The following LHFPL6 variants were observed in gnomAD, a reference collection of about 807,000 sequenced individuals.
The protein encoded by LHFPL6 is LHFPL tetraspan subfamily member 6 protein.
LHFPL6 carries 9 observed loss-of-function variants against 20.6 expected under a neutral mutation model. The observed-to-expected ratio is 0.44, with a 90% CI of 0.26 to 0.76. LHFPL6 has a LOEUF of 0.76. Among genes scored for constraint, LHFPL6 ranks in the 30% least tolerant of loss-of-function variants. LHFPL6 has a pLI of 0.20. For synonymous variants in LHFPL6, 105 were observed against 98.7 expected (o/e 1.06, Z -0.38); for missense variants, 218 against 253.5 (o/e 0.86, Z 0.95).
intron 2 of LHFPL6, among the ~76,000 whole-genome samples, chr13:39,464,700 C>CT (rs57418375): frequency 0.4 from 55,455 of 137,668 alleles, 11,180 homozygotes; most frequent in Middle Eastern, 0.51. Context: ...AAAGCACAGT[C>CT]TTTTTTTTTT....
chr13:39,524,594 G>A (rs1870228804), intron 2 of LHFPL6, among the ~76,000 whole-genome samples: 2 of 152,262 alleles, frequency 1.3e-5, no homozygotes, highest in East Asian at 3.9e-4. Context: ...TGTGCAAAGG[G>A]AAGAGGTATC....
chr13:39,350,885 T>C (rs532066010), intron 3 of LHFPL6, among the ~76,000 whole-genome samples: 11 of 152,328 alleles, frequency 7.2e-5, no homozygotes, highest in African/African-American at 2.4e-4. Flanking sequence ...GCTGATTTCT[T>C]ACGGTGGCTC....
intron 2 of LHFPL6, among the ~76,000 whole-genome samples, chr13:39,542,796 T>C (rs183999482): frequency 1.3e-5 from 2 of 152,374 alleles, no homozygotes; most frequent in Admixed American, 1.3e-4. Flanking sequence ...ATGTGCTAAG[T>C]CGCATGGGTC....
At chr13:39,533,895 G>A (rs1333874159) in intron 2 of LHFPL6, among the ~76,000 whole-genome samples, 3 of 152,262 alleles carry the variant, frequency 2.0e-5, no homozygotes, top group Admixed American at 6.5e-5. Flanking sequence ...GGTGGGGGGT[G>A]ACAGTCATAG....
rs1192075960 is a variant in LHFPL6 at position 39,352,990 on chromosome 13, AT to A, written c.485-8937del. Reference sequence around the variant, plus strand: ...ACACACACATATATATATATATATAATTTTTTTTTTTTTTTTGAGACAGAGT... The same window carrying A: ...ACACACACATATATATATATATATAATTTTTTTTTTTTTTTGAGACAGAGT... On this transcript the variant is annotated intron_variant, in intron 3 of 3. Transcript: ENST00000379589. 3.0e-3 allele frequency among the ~76,000 whole-genome samples: 249 copies of A among 84,258 alleles called. 16 individuals carry two copies. Among genetic ancestry groups the A allele is most frequent in the African/African-American group, 9.9e-3 (199 of 20,130 alleles). 55.3% of individuals were successfully genotyped at this position (84,258 alleles called of 152,430 possible). A position where few individuals can be genotyped will look rare whatever the true frequency, so the allele number is the denominator to read the frequency against.
intron 2 of LHFPL6, among the ~76,000 whole-genome samples, chr13:39,434,084 G>A (rs1354267503): frequency 6.6e-6 from 1 of 152,130 alleles, no homozygotes; most frequent in Non-Finnish European, 1.5e-5. Context: ...TGGATTCTTT[G>A]ATTTGCATGC....
chr13:39,538,694 T>C (rs1031179493), intron 2 of LHFPL6, among the ~76,000 whole-genome samples: 32 of 152,092 alleles, frequency 2.1e-4, no homozygotes, highest in African/African-American at 4.8e-4. Context: ...TTGGAGGCAA[T>C]TGAAATTTTT....
chr13:39,498,102 T>C (rs1050892012), intron 2 of LHFPL6, among the ~76,000 whole-genome samples: 1 of 152,220 alleles, frequency 6.6e-6, no homozygotes, highest in African/African-American at 2.4e-5. Context: ...TATTACCATA[T>C]GGCACATTTA....
At chr13:39,389,971 C>T (rs188610163) in intron 2 of LHFPL6, among the ~76,000 whole-genome samples, 30 of 152,198 alleles carry the variant, frequency 2.0e-4, no homozygotes, top group African/African-American at 5.8e-4. Flanking sequence ...TCTCTCCCCA[C>T]GAGTGCCCTT....
At chr13:39,571,476 A>C (rs1871913486) in intron 2 of LHFPL6, among the ~76,000 whole-genome samples, 1 of 152,202 alleles carries the variant, frequency 6.6e-6, no homozygotes, top group South Asian at 2.1e-4. Flanking sequence ...TGACAGCCTG[A>C]CATCAGGGAA....
intron 2 of LHFPL6, among the ~76,000 whole-genome samples, chr13:39,403,367 T>C (rs1285000357): frequency 6.6e-6 from 1 of 152,246 alleles, no homozygotes; most frequent in African/African-American, 2.4e-5. Context: ...AGAAGAATTT[T>C]ATCATTGCCT....
intron 2 of LHFPL6, among the ~76,000 whole-genome samples, chr13:39,559,658 C>G (rs1399962571): frequency 1.3e-5 from 2 of 152,106 alleles, no homozygotes; most frequent in Admixed American, 6.6e-5. Flanking sequence ...CTGTCTGCCT[C>G]AAGAAGCTCA....
intron 3 of LHFPL6, among the ~76,000 whole-genome samples, chr13:39,345,826 T>C (rs918913741): frequency 6.6e-6 from 1 of 152,204 alleles, no homozygotes; most frequent in Admixed American, 6.5e-5. Flanking sequence ...GCTTGCTATG[T>C]AAAGGCTGCT....
At chr13:39,457,318 A>G (rs1668674903) in intron 2 of LHFPL6, among the ~76,000 whole-genome samples, 3 of 152,234 alleles carry the variant, frequency 2.0e-5, no homozygotes, top group Admixed American at 6.5e-5. Flanking sequence ...TGAGCAAAAG[A>G]TTTGAACAGA....
At chr13:39,400,990 T>C (rs1272321011) in intron 2 of LHFPL6, among the ~76,000 whole-genome samples, 1 of 152,114 alleles carries the variant, frequency 6.6e-6, no homozygotes, top group Admixed American at 6.6e-5. Context: ...AAATTATAAT[T>C]GAAACCATAG....
intron 3 of LHFPL6, among the ~76,000 whole-genome samples, chr13:39,345,512 C>CAAAAAAAAAAAAAAAAAAAAAAAAA (rs71077225): frequency 2.3e-4 from 10 of 43,454 alleles, no homozygotes; most frequent in East Asian, 9.8e-4. Flanking sequence ...GACTCCATCT[C>CAAAAAAAAAAAAAAAAAAAAAAAAA]AAAAAAAAAA....
rs748482334 is a variant in LHFPL6 at position 39,378,497 on chromosome 13, A to G, written c.415T>C (p.Tyr139His). 1 of 1,614,024 alleles carries G rather than the reference A, an allele frequency of 6.2e-7. No homozygotes were observed. Among genetic ancestry groups the G allele is most frequent in the South Asian group, 1.1e-5 (1 of 91,082 alleles). ...TCCTCACTGTCCCAGCCCAAGGGGT[A>G]GAGGGCACAGCCAGCACCAATCAAC... ...GLLIGAGCALYPLGWDSEEVR... is the reference protein window; with the variant it reads ...GLLIGAGCALHPLGWDSEEVR... The change falls in exon 3 of 4, where the codon TAC (tyrosine) becomes CAC (histidine). Residue 139 changes from tyrosine to histidine, a missense_variant. Coordinates refer to ENST00000379589, the MANE Select transcript of LHFPL6 (RefSeq NM_005780.3).
chr13:39,559,707 A>C (rs1441691845), intron 2 of LHFPL6, among the ~76,000 whole-genome samples: 2 of 152,194 alleles, frequency 1.3e-5, no homozygotes, highest in Admixed American at 1.3e-4. Flanking sequence ...ATTATATTAA[A>C]TGTGAGGAGT....
At position 39,402,972 on chromosome 13, in the gene LHFPL6, T is replaced by G. The variant is rs138182660; in HGVS notation, c.386-24446A>C. Among the ~76,000 whole-genome samples the G allele has an allele frequency of 1.0e-3, 155 of 152,324 alleles. 1 individual carries two copies. The highest frequency in any genetic ancestry group is 3.4e-3 in the African/African-American group (142 of 41,570). On this transcript the variant is annotated intron_variant, in intron 2 of 3. Transcript: ENST00000379589. ...CAGTACTCAAGTCCTCACTTTGATT[T>G]TCTCTTGATCAAAGATGGAACCTAA...
Sources: gnomAD v4.1 joint callset for allele counts (sites outside exome capture counted in the v4.1 genomes callset) on GRCh38, gnomAD v4.1.1 for gene constraint, MANE v1.5 for transcripts, NCBI Gene and HGNC (gene_info 2026-07-23, HGNC 2026-07-21) for gene names.